Variants in COL15A1 observed in about 807,000 individuals in gnomAD.
COL15A1 encodes collagen alpha-1(XV) chain.
In COL15A1, 111 loss-of-function variants were observed where a neutral mutation model predicts 165.9. The ratio of observed to expected loss-of-function variants is 0.67; its 90% CI spans 0.57 to 0.78. COL15A1 has a LOEUF of 0.78. COL15A1 is among the 30% of genes least tolerant of loss of function. The pLI is 0.00. For synonymous variants in COL15A1, 659 were observed against 674.8 expected, an observed-to-expected ratio of 0.98 and a Z score of 0.36; for missense variants, 1,745 against 1,789.7, an observed-to-expected ratio of 0.98 and a Z score of 0.45.
chr9:98,973,222 G>C (rs1838089332), intron 2 of COL15A1, among the ~76,000 whole-genome samples: 1 of 152,124 alleles, frequency 6.6e-6, no homozygotes, highest in South Asian at 2.1e-4. Context: ...GCAAGAACGA[G>C]AGAACAAGAG....
At position 98,985,881 on chromosome 9, in the gene COL15A1, G is replaced by C. The variant is rs201085523; in HGVS notation, c.417G>C (p.Thr139=). Reference sequence around the variant, plus strand: ...ACCAGCGGATCATCCTCTACTACACGGAGCCAGGCTCCCATGTGTCCCAAG... The same window carrying C: ...ACCAGCGGATCATCCTCTACTACACCGAGCCAGGCTCCCATGTGTCCCAAG... ...DGHQRIILYY[T]EPGSHVSQEA... The change falls in exon 3 of 42, where the codon ACG becomes ACC. Residue 139 remains threonine (T), a synonymous_variant. Coordinates refer to ENST00000375001, the MANE Select transcript of COL15A1 (RefSeq NM_001855.5). 2.7e-5 allele frequency: 44 copies of C among 1,613,824 alleles called. No individual in the cohort carries two copies. In the East Asian group the frequency reaches 7.8e-4, roughly 29 times the overall value.
chr9:99,043,202 A>G (rs1404736139), intron 24 of COL15A1, among the ~76,000 whole-genome samples: 1 of 151,702 alleles, frequency 6.6e-6, no homozygotes, highest in Non-Finnish European at 1.5e-5. Context: ...GAGGGCCTCC[A>G]ATATCTAGTG....
At chr9:98,988,204 C>T (rs1486030082) in intron 4 of COL15A1, among the ~76,000 whole-genome samples, 1 of 152,178 alleles carries the variant, frequency 6.6e-6, no homozygotes, top group Non-Finnish European at 1.5e-5. Context: ...AAACAAAATG[C>T]TGTCGATTTC....
intron 16 of COL15A1, among the ~76,000 whole-genome samples, chr9:99,028,565 C>T (rs575352123): frequency 1.1e-4 from 16 of 152,038 alleles, no homozygotes; most frequent in Non-Finnish European, 2.4e-4. Context: ...GTGGGAGAAT[C>T]GCTTGACCCG....
At chr9:99,020,114 G>T (rs1839000526) in intron 11 of COL15A1, among the ~76,000 whole-genome samples, 1 of 152,222 alleles carries the variant, frequency 6.6e-6, no homozygotes, top group Admixed American at 6.5e-5. Context: ...AAGTGAGAGA[G>T]AAGACTGATT....
Position 99,044,764 on chromosome 9 carries a change from A to G in COL15A1, c.2673A>G (p.Gly891=), listed in dbSNP as rs1227928942. ...AACCTGGAATGCATGGAGCCCCAGGACCAATGGTAAGTCAGAGCGTCTCTC... is the reference window on the plus strand; with the variant it reads ...AACCTGGAATGCATGGAGCCCCAGGGCCAATGGTAAGTCAGAGCGTCTCTC... The part of the protein sequence containing the change: ...KGEPGMHGAP[G]PMGPKGPPGH... Residue 891 remains glycine (G), a synonymous_variant, in exon 26 of 42, where the codon GGA becomes GGG. Coordinates refer to ENST00000375001, the MANE Select transcript of COL15A1 (RefSeq NM_001855.5). The G allele has an allele frequency of 4.3e-5, 69 of 1,613,480 alleles. No homozygotes were observed. The highest frequency in any genetic ancestry group is 5.8e-5 in the Non-Finnish European group (68 of 1,179,522).
intron 8 of COL15A1, among the ~76,000 whole-genome samples, chr9:99,004,616 C>G (rs531306470): frequency 7.2e-5 from 11 of 152,298 alleles, no homozygotes; most frequent in Middle Eastern, 6.8e-3. Context: ...GATTAGGGGA[C>G]ACAGCTTGGA....
intron 36 of COL15A1, among the ~76,000 whole-genome samples, chr9:99,060,448 T>G (rs12377550): frequency 2.5e-5 from 3 of 122,232 alleles, no homozygotes; most frequent in Non-Finnish European, 3.4e-5. Flanking sequence ...TTTTTTTTTT[T>G]GTAGAGACAG....
chr9:99,036,391 TC>T lies in COL15A1; in HGVS notation c.2405del (p.Ser802LeufsTer4). On this transcript the variant is annotated frameshift_variant, in exon 21 of 42. Transcript: ENST00000375001. LOFTEE classifies it high-confidence loss of function. ...RGPPGHIKVL[S>X]NSLINITHGF... The stretch of plus-strand genomic sequence containing the variant: ...GCCACCTGGGCACATCAAGGTCTTG[TC>T]TAATGTGAGTATCATTCAGGTCAGA... The T allele has an allele frequency of 6.2e-7, 1 of 1,614,186 alleles. No individual in the cohort carries two copies. Among genetic ancestry groups the T allele is most frequent in the Admixed American group, 1.7e-5 (1 of 60,032 alleles).
chr9:98,955,468 A>G (rs1480719638), intron 2 of COL15A1, among the ~76,000 whole-genome samples: 1 of 152,208 alleles, frequency 6.6e-6, no homozygotes, highest in African/African-American at 2.4e-5. Flanking sequence ...GAATAAGTTA[A>G]TGAATGAATC....
intron 39 of COL15A1, among the ~76,000 whole-genome samples, chr9:99,065,846 A>G (rs1358282089): frequency 1.3e-5 from 2 of 151,504 alleles, no homozygotes; most frequent in Non-Finnish European, 1.5e-5. Flanking sequence ...GCTCATGGCC[A>G]GTTGTGGCCA....
rs574532550 is a variant in COL15A1 at position 99,069,184 on chromosome 9, A to G, written c.3954-489A>G. Among the ~76,000 whole-genome samples the G allele has an allele frequency of 1.2e-3, 185 of 152,318 alleles. 1 individual carries two copies. The highest frequency in any genetic ancestry group is 4.3e-3 in the African/African-American group (180 of 41,570). On this transcript the variant is annotated intron_variant, in intron 41 of 41. Transcript: ENST00000375001. ...ACAATAATAAACCCACACAGCTCCT[A>G]CTTTTACAGGGCTCACAGTCTACAG...
At chr9:99,010,815 C>G (rs369426625) in intron 9 of COL15A1, among the ~76,000 whole-genome samples, 1 of 152,016 alleles carries the variant, frequency 6.6e-6, no homozygotes, top group South Asian at 2.1e-4. Context: ...TCTAAGCAAA[C>G]GAAAACTTAG....
intron 9 of COL15A1, 88 bp downstream of exon 9, chr9:99,005,138 C>A (rs536567518): frequency 1.6e-5 from 22 of 1,365,388 alleles, no homozygotes; most frequent in African/African-American, 1.5e-4. Context: ...CTCAGCAAAC[C>A]CATGGGAGCC....
chr9:98,989,348 C>A (rs999779800), intron 5 of COL15A1, 90 bp downstream of exon 5: 4 of 1,036,284 alleles, frequency 3.9e-6, no homozygotes, highest in African/African-American at 3.2e-5. Flanking sequence ...TGGGTCTGAC[C>A]TCTTTGTTTC....
At chr9:99,013,144 G>A (rs78118674) in intron 9 of COL15A1, among the ~76,000 whole-genome samples, 16,302 of 152,208 alleles carry the variant, frequency 0.11, 1,039 homozygotes, top group East Asian at 0.25. Context: ...ACGTGTCTCA[G>A]TTTCTCTCTG....
rs576980157 is a variant in COL15A1, at chr9:98,964,771, CA to C, written c.100+20522del. On this transcript the variant is annotated intron_variant, in intron 2 of 41. Coordinates refer to ENST00000375001, the MANE Select transcript of COL15A1 (RefSeq NM_001855.5). ...ACATGCCAAAGCTGCTCGAGCTGGT[CA>C]CACCATCAGTCTGGGCATCAGTTTT... is the stretch of plus-strand genomic sequence containing the variant. Among the ~76,000 whole-genome samples, 8 of 152,272 alleles carry C rather than the reference CA, an allele frequency of 5.3e-5. No homozygotes were observed. In the East Asian group the frequency reaches 1.2e-3, roughly 22 times the overall value.
At chr9:99,022,716 G>A (rs1839048189) in intron 13 of COL15A1, among the ~76,000 whole-genome samples, 1 of 152,226 alleles carries the variant, frequency 6.6e-6, no homozygotes, top group Non-Finnish European at 1.5e-5. Context: ...CCTCTCAGGG[G>A]GTGCTCAGTA....
chr9:99,059,154 G>A (rs751199410), intron 35 of COL15A1, among the ~76,000 whole-genome samples: 12 of 152,130 alleles, frequency 7.9e-5, no homozygotes, highest in Non-Finnish European at 1.8e-4. Flanking sequence ...ATAGAATTAT[G>A]TGTGCATTTC....
Sources: gnomAD v4.1 joint callset for allele counts (sites outside exome capture counted in the v4.1 genomes callset) on GRCh38, gnomAD v4.1.1 for gene constraint, MANE v1.5 for transcripts, NCBI Gene and HGNC (gene_info 2026-07-23, HGNC 2026-07-21) for gene names.